The following USP34 variants were observed in gnomAD, a reference collection of about 807,000 sequenced individuals.
The protein encoded by USP34 is ubiquitin carboxyl-terminal hydrolase 34.
In USP34, 70 loss-of-function variants were observed where a neutral mutation model predicts 460.3. That is an observed-to-expected ratio of 0.15 (90% CI 0.13 to 0.19). USP34 has a LOEUF of 0.19. USP34 is among the 10% of genes least tolerant of loss of function. The pLI is 1.00. For missense variants in USP34, 3,985 were observed against 4,236.2 expected, an observed-to-expected ratio of 0.94 and a Z score of 1.65; for synonymous variants, 1,647 against 1,405.3, an observed-to-expected ratio of 1.17 and a Z score of -3.85.
In USP34 at chr2:61,190,846, G is replaced by GT. The variant is rs1686619036; in HGVS notation, c.9589-189dup. 6.7e-6 allele frequency: 4 copies of GT among 597,590 alleles called. No homozygotes were observed. In the East Asian group the frequency reaches 1.2e-4, roughly 18 times the overall value. 37.0% of individuals were successfully genotyped at this position (597,590 alleles called of 1,614,324 possible). On this transcript the variant is annotated intron_variant, in intron 76 of 79. Coordinates refer to ENST00000398571, the MANE Select transcript of USP34 (RefSeq NM_014709.4). ...GTTAACAGCAACTATTTTTCATACA[G>GT]TAAAATGTTACTAATTTAGATTAAG...
intron 33 of USP34, among the ~76,000 whole-genome samples, chr2:61,293,186 A>G (rs567183939): frequency 3.7e-4 from 56 of 152,120 alleles, no homozygotes; most frequent in African/African-American, 1.3e-3. Flanking sequence ...ACTTTATATA[A>G]ATATTAATAT....
At chr2:61,223,363 A>G (rs1039672915) in intron 62 of USP34, 67 bp from the exon 63 acceptor site, 18 of 1,456,650 alleles carry the variant, frequency 1.2e-5, no homozygotes, top group Non-Finnish European at 1.6e-5. Flanking sequence ...GATTTACAAC[A>G]TGTATCAAAA....
intron 1 of USP34, among the ~76,000 whole-genome samples, chr2:61,466,899 G>T (rs1448212105): frequency 6.9e-6 from 1 of 145,142 alleles, no homozygotes; most frequent in Non-Finnish European, 1.5e-5. Flanking sequence ...TAGACTCCGT[G>T]TCAAAAAAAA....
At chr2:61,331,436 G>T (rs1287668778) in intron 19 of USP34, 65 bp from the exon 20 acceptor site, 1 of 1,299,400 alleles carries the variant, frequency 7.7e-7, no homozygotes, top group Non-Finnish European at 1.0e-6. Flanking sequence ...TCTATGCTAT[G>T]ACAGTAAATA....
At chr2:61,446,816 C>G (rs1249977528) in intron 1 of USP34, among the ~76,000 whole-genome samples, 2 of 148,364 alleles carry the variant, frequency 1.3e-5, no homozygotes, top group African/African-American at 5.0e-5. Flanking sequence ...AAAAAAAATT[C>G]CACTGATCTA....
intron 75 of USP34, among the ~76,000 whole-genome samples, chr2:61,199,002 A>T (rs186451905): frequency 6.6e-6 from 1 of 152,208 alleles, no homozygotes; most frequent in East Asian, 1.9e-4. Context: ...AAATCCTAAA[A>T]ATTTGGTATA....
At chr2:61,238,771 T>G (rs1040382215) in intron 53 of USP34, among the ~76,000 whole-genome samples, 1 of 152,174 alleles carries the variant, frequency 6.6e-6, no homozygotes, top group Non-Finnish European at 1.5e-5. Flanking sequence ...AATTTTCTAA[T>G]GTACAGGCAT....
chr2:61,360,549 C>G (rs1692243746), intron 10 of USP34, among the ~76,000 whole-genome samples: 1 of 152,154 alleles, frequency 6.6e-6, no homozygotes, highest in African/African-American at 2.4e-5. Context: ...AAAGAAGAAA[C>G]ACATAAATAA....
In USP34 at chr2:61,430,226, A is replaced by G. The variant is rs188511017; in HGVS notation, c.44-9393T>C. 6.3e-3 allele frequency among the ~76,000 whole-genome samples: 836 copies of G among 133,650 alleles called. 5 individuals are homozygous for G. Among genetic ancestry groups the G allele is most frequent in the African/African-American group, 0.02 (748 of 37,480 alleles). 87.7% of individuals were successfully genotyped at this position (133,650 alleles called of 152,430 possible). A position where few individuals can be genotyped will look rare whatever the true frequency, so the allele number is the denominator to read the frequency against. On this transcript the variant is annotated intron_variant, in intron 1 of 79. Coordinates refer to ENST00000398571, the MANE Select transcript of USP34 (RefSeq NM_014709.4). The stretch of plus-strand genomic sequence containing the variant: ...CGAGTCTTCGTCACAAAAAAAAAAA[A>G]AAAAGAAAAGAAAAAAAAAATACAA...
In USP34 at chr2:61,339,569, A is replaced by G. The variant is rs1691523353; in HGVS notation, c.2613T>C (p.Asp871=). 6.4e-7 allele frequency: 1 copy of G among 1,569,682 alleles called. No homozygotes were observed. The highest frequency in any genetic ancestry group is 8.6e-7 in the Non-Finnish European group (1 of 1,165,182). ...TLLWDIVQDE[D]AVNLSEGLIN... ...CTGGTTCTATTAAATAACTTACTGC[A>G]TCTTCATCTTGGACTATATCCCACA... is the stretch of plus-strand genomic sequence containing the variant. Residue 871 remains aspartate (D), a synonymous_variant, in exon 17 of 80, where the codon GAT becomes GAC. Coordinates refer to ENST00000398571, the MANE Select transcript of USP34 (RefSeq NM_014709.4).
rs532088947 is a variant in USP34 at position 61,349,871 on chromosome 2, A to C, written c.1507+389T>G. ...ACAACAACAACAACAACAACAACAA[A>C]AAAACCCCACAAAGCACCTGACATG... On this transcript the variant is annotated intron_variant, in intron 12 of 79. Transcript: ENST00000398571. Among the ~76,000 whole-genome samples, 172 of 151,402 alleles carry C rather than the reference A, an allele frequency of 1.1e-3. 1 individual carries two copies. Among genetic ancestry groups the C allele is most frequent in the Non-Finnish European group, 1.8e-3 (124 of 67,878 alleles).
chr2:61,220,636 G>A (rs748994369), intron 66 of USP34, among the ~76,000 whole-genome samples, 179 bp from the exon 67 acceptor site: 2 of 152,046 alleles, frequency 1.3e-5, no homozygotes, highest in African/African-American at 4.8e-5. Context: ...TTATCAACAG[G>A]AAGTGTTCAG....
intron 3 of USP34, among the ~76,000 whole-genome samples, chr2:61,403,729 T>A (rs530657614): frequency 6.6e-6 from 1 of 152,194 alleles, no homozygotes; most frequent in South Asian, 2.1e-4. Flanking sequence ...GGCTCACGCC[T>A]GTAATCCCAG....
In USP34 at chr2:61,258,954, AT is replaced by A. The variant is rs1688796101; in HGVS notation, c.5844+756del. Among the ~76,000 whole-genome samples, 7 of 152,196 alleles carry A rather than the reference AT, an allele frequency of 4.6e-5. No homozygotes were observed. In the South Asian group the frequency reaches 1.5e-3, roughly 32 times the overall value. ...TAACTTTTAGAAGTTATTATGACAAATAACAGAGATAACTGACAGACAGCTC... is the reference window on the plus strand; with the variant it reads ...TAACTTTTAGAAGTTATTATGACAAAAACAGAGATAACTGACAGACAGCTC... On this transcript the variant is annotated intron_variant, in intron 44 of 79. Coordinates refer to ENST00000398571, the MANE Select transcript of USP34 (RefSeq NM_014709.4).
At chr2:61,281,331 A>G (rs1364570939) in intron 37 of USP34, 89 bp from the exon 38 acceptor site, 11 of 1,446,452 alleles carry the variant, frequency 7.6e-6, no homozygotes, top group Non-Finnish European at 1.0e-5. Context: ...GATTTTAAAT[A>G]CAATGTTCTG....
intron 20 of USP34, among the ~76,000 whole-genome samples, chr2:61,326,110 A>G (rs1379725210): frequency 6.6e-6 from 1 of 152,100 alleles, no homozygotes; most frequent in Non-Finnish European, 1.5e-5. Flanking sequence ...GAAAGAAGAG[A>G]TAGAAAAGGA....
At chr2:61,441,833 GA>G (rs1323788218) in intron 1 of USP34, among the ~76,000 whole-genome samples, 2,616 of 106,518 alleles carry the variant, frequency 0.025, 74 homozygotes, top group African/African-American at 0.079. Flanking sequence ...GAAAAGAAAA[GA>G]AAAAAAAAAA....
intron 75 of USP34, chr2:61,200,882 G>A (rs1686955714): frequency 6.6e-6 from 1 of 152,196 alleles, no homozygotes; most frequent in South Asian, 2.1e-4. Context: ...TCCATTTATA[G>A]GAGGCATTAA....
chr2:61,277,708 C>A (rs551067408), intron 41 of USP34: 1 of 153,208 alleles, frequency 6.5e-6, no homozygotes, highest in Non-Finnish European at 1.5e-5. Flanking sequence ...AACATATCCA[C>A]ATACAATGTG....
Sources: allele counts gnomAD v4.1 joint callset (sites outside exome capture counted in the v4.1 genomes callset), GRCh38; gene constraint gnomAD v4.1.1; transcripts MANE v1.5; gene names NCBI Gene and HGNC (gene_info 2026-07-23, HGNC 2026-07-21).